The following MAX variants were observed in gnomAD, a reference collection of about 807,000 sequenced individuals.
The protein encoded by MAX is MYC associated transcriptional regulator X.
Under a neutral mutation model 22.3 loss-of-function variants are expected in MAX, and 3 were observed. The observed-to-expected ratio is 0.13, with a 90% CI of 0.06 to 0.35. The LOEUF is 0.35. Among genes scored for constraint, MAX ranks in the 10% least tolerant of loss-of-function variants. The pLI, the probability that MAX is intolerant of heterozygous loss-of-function variation, is 1.00. For synonymous variants in MAX, 72 were observed against 77.7 expected (o/e 0.93, Z 0.39); for missense variants, 119 against 209.4 (o/e 0.57, Z 2.66).
chr14:65,077,483 C>CA lies in MAX; in HGVS notation c.295+429dup. The CA allele has an allele frequency of 8.3e-7, 1 of 1,201,828 alleles. No individual in the cohort carries two copies. The highest frequency in any genetic ancestry group is 1.2e-5 in the South Asian group (1 of 82,930). The allele number at this position is 1,201,828 out of a possible 1,614,324, so 74.4% of individuals were successfully genotyped here. On this transcript the variant is annotated intron_variant, in intron 4 of 4. Coordinates refer to ENST00000358664, the MANE Select transcript of MAX (RefSeq NM_002382.5). The surrounding 1 kb of genome is among the most constrained non-coding windows in gnomAD (Gnocchi z 6.3). ...CATTGAGAACAGCATGGGCCTAGCC[C>CA]ATAGGCTGCCCTGATTGGACTACCA...
Position 65,044,077 on chromosome 14 carries a change from G to T in MAX, c.172-37793C>A, listed in dbSNP as rs887780052. On this transcript the variant is annotated intron_variant, in intron 3 of 3. Coordinates refer to the MAX transcript ENST00000341653. This position sits in a 1 kb window ranked among gnomAD's most constrained non-coding sequence, Gnocchi z 5.5. ...CCAGGAAAAGGTAGTTGTCTGCCAG[G>T]CATTGAGCAGAGATCAGTGCTGGAT... Among the ~76,000 whole-genome samples the T allele has an allele frequency of 2.6e-5, 4 of 152,270 alleles. No homozygotes were observed. The highest frequency in any genetic ancestry group is 7.2e-5 in the African/African-American group (3 of 41,546).
chr14:65,059,497 C>A (rs189966483), intron 3 of MAX, among the ~76,000 whole-genome samples: 26 of 152,174 alleles, frequency 1.7e-4, no homozygotes, highest in Admixed American at 1.0e-3. Flanking sequence ...TCATGTAGGC[C>A]TTTAAAAATT....
Position 65,052,352 on chromosome 14 carries a change from T to G in MAX, c.171+41356A>C, listed in dbSNP as rs576088153. Among the ~76,000 whole-genome samples, 9 of 152,344 alleles carry G rather than the reference T, an allele frequency of 5.9e-5. No homozygotes were observed. In the East Asian group the frequency reaches 1.7e-3, roughly 29 times the overall value. On this transcript the variant is annotated intron_variant, in intron 3 of 3. Transcript: ENST00000341653. The stretch of plus-strand genomic sequence containing the variant: ...GAAGAAAGAACAATTAGCTTTCAGG[T>G]GCCATTTACCAATTGTTGGGCATCT...
At chr14:65,085,345 G>A (rs2063304099) in intron 3 of MAX, among the ~76,000 whole-genome samples, 1 of 152,178 alleles carries the variant, frequency 6.6e-6, no homozygotes, top group Admixed American at 6.5e-5. Flanking sequence ...AGAGGAAGGA[G>A]GGATTCATGT....
rs1392241119 is a variant in MAX, at chr14:65,093,507, T to A, written c.171+201A>T. 4 of 600,854 alleles carry A rather than the reference T, an allele frequency of 6.7e-6. No homozygotes were observed. Among genetic ancestry groups the A allele is most frequent in the African/African-American group, 5.6e-5 (3 of 54,020 alleles). The allele number at this position is 600,854 out of a possible 1,614,324, so 37.2% of individuals were successfully genotyped here. ...TACCATTATCTCACAAATAGCTCCA[T>A]TATATCTGACATATTTTGTTAAGGA... On this transcript the variant is annotated intron_variant, in intron 3 of 4. Coordinates refer to ENST00000358664, the MANE Select transcript of MAX (RefSeq NM_002382.5). The surrounding 1 kb of genome is among the most constrained non-coding windows in gnomAD (Gnocchi z 4.4).
Position 65,076,751 on chromosome 14 carries a change from C to A in MAX, c.296-88G>T. Reference sequence around the variant, plus strand: ...AGACTCAGGGTCCAGCCTGTTCTTCCTAAGGGCTTGCTTGTTGGCCCCCGA... The same window carrying A: ...AGACTCAGGGTCCAGCCTGTTCTTCATAAGGGCTTGCTTGTTGGCCCCCGA... On this transcript the variant is annotated intron_variant, in intron 4 of 4. Transcript: ENST00000358664. This position sits in a 1 kb window ranked among gnomAD's most constrained non-coding sequence, Gnocchi z 6.6. The A allele has an allele frequency of 1.3e-6, 2 of 1,534,504 alleles. No homozygotes were observed. Among genetic ancestry groups the A allele is most frequent in the South Asian group, 1.1e-5 (1 of 88,966 alleles).
intron 3 of MAX, among the ~76,000 whole-genome samples, chr14:65,038,601 C>A (rs908892315): frequency 6.6e-6 from 1 of 151,716 alleles, no homozygotes; most frequent in African/African-American, 2.4e-5. Flanking sequence ...ACCTGTAATC[C>A]CACGTACTCA....
intron 3 of MAX, among the ~76,000 whole-genome samples, chr14:65,013,859 T>C (rs894013490): frequency 1.3e-5 from 2 of 152,214 alleles, no homozygotes; most frequent in African/African-American, 2.4e-5. Context: ...CATTCTCTTA[T>C]TTAAATCTTG....
At position 65,093,343 on chromosome 14, in the gene MAX, A is replaced by G. The variant is rs960621082; in HGVS notation, c.171+365T>C. On this transcript the variant is annotated intron_variant, in intron 3 of 4. Coordinates refer to ENST00000358664, the MANE Select transcript of MAX (RefSeq NM_002382.5). The surrounding 1 kb of genome is among the most constrained non-coding windows in gnomAD (Gnocchi z 4.4). ...TTTGAACCATAGGAAAGGAATTCTC[A>G]TGGAGGTCTAGGGTATTAATGACCT... Among the ~76,000 whole-genome samples, 4 of 152,180 alleles carry G rather than the reference A, an allele frequency of 2.6e-5. No individual in the cohort carries two copies. Among genetic ancestry groups the G allele is most frequent in the African/African-American group, 9.7e-5 (4 of 41,444 alleles).
In MAX at chr14:65,009,355, A is replaced by C. The variant is rs867853593; in HGVS notation, c.172-3071T>G. On this transcript the variant is annotated intron_variant, in intron 3 of 3. Transcript: ENST00000341653. The surrounding 1 kb of genome is among the most constrained non-coding windows in gnomAD (Gnocchi z 4.2). ...TTCTTAATTTCACTGGCGCTTCACTAACTGCCTTATAATCCTTTTATTCGT... is the reference window on the plus strand; with the variant it reads ...TTCTTAATTTCACTGGCGCTTCACTCACTGCCTTATAATCCTTTTATTCGT... 9.2e-3 allele frequency among the ~76,000 whole-genome samples: 1,395 copies of C among 152,162 alleles called. 22 individuals carry two copies. Among genetic ancestry groups the C allele is most frequent in the African/African-American group, 0.031 (1,293 of 41,490 alleles).
upstream of MAX, chr14:65,102,559 C>T (rs907301329): frequency 2.2e-4 from 313 of 1,444,346 alleles, 2 homozygotes; most frequent in Middle Eastern, 3.8e-3. Flanking sequence ...CGGTCGGCCC[C>T]CGCCACGTGA....
At chr14:65,018,109 C>T (rs140834785) in intron 3 of MAX, among the ~76,000 whole-genome samples, 276 of 152,130 alleles carry the variant, frequency 1.8e-3, no homozygotes, top group African/African-American at 6.2e-3. Flanking sequence ...TGGGAGGCCA[C>T]GGTCAGAGGA....
At chr14:65,039,642 T>C (rs1328447279) in intron 3 of MAX, among the ~76,000 whole-genome samples, 7 of 152,122 alleles carry the variant, frequency 4.6e-5, no homozygotes, top group African/African-American at 1.2e-4. Context: ...CTAAGTCAGT[T>C]ATTTCTTGTC....
In MAX at chr14:65,082,051, C is replaced by T. The variant is rs2063212359; in HGVS notation, c.172-4015G>A. The T allele has an allele frequency of 6.6e-6, 1 of 152,294 alleles. No individual in the cohort carries two copies. The highest frequency in any genetic ancestry group is 1.9e-4 in the East Asian group (1 of 5,186). 9.4% of individuals were successfully genotyped at this position (152,294 alleles called of 1,614,324 possible). A position where few individuals can be genotyped will look rare whatever the true frequency, so the allele number is the denominator to read the frequency against. ...TACTGAGTACTTACTAAGTGTCAGG[C>T]ATCCTCACACAACCTTCTGATGTTT... On this transcript the variant is annotated intron_variant, in intron 3 of 4. Coordinates refer to ENST00000358664, the MANE Select transcript of MAX (RefSeq NM_002382.5). This position sits in a 1 kb window ranked among gnomAD's most constrained non-coding sequence, Gnocchi z 4.8.
rs754493594 is a variant in MAX, at chr14:65,028,651, A to C, written c.172-22367T>G. Among the ~76,000 whole-genome samples, 13 of 152,228 alleles carry C rather than the reference A, an allele frequency of 8.5e-5. No homozygotes were observed. The highest frequency in any genetic ancestry group is 1.9e-4 in the Non-Finnish European group (13 of 68,034). ...ATAAAATACATTACAGATAATAGGT[A>C]ATCAGGCTGCAAAGGCCTTTAGTTC... is the stretch of plus-strand genomic sequence containing the variant. On this transcript the variant is annotated intron_variant, in intron 3 of 3. Transcript: ENST00000341653. The surrounding 1 kb of genome is among the most constrained non-coding windows in gnomAD (Gnocchi z 4.4).
chr14:65,073,031 C>T (rs1028030188), downstream of MAX, among the ~76,000 whole-genome samples: 3 of 152,208 alleles, frequency 2.0e-5, no homozygotes, highest in African/African-American at 7.2e-5. Context: ...GCCCTGGTTA[C>T]ATGCTTTGTG....
rs1197948978 is a variant in MAX, at chr14:65,059,878, G to C, written c.171+33830C>G. Among the ~76,000 whole-genome samples the C allele has an allele frequency of 2.1e-5, 3 of 143,144 alleles. No homozygotes were observed. In the East Asian group the frequency reaches 6.1e-4, roughly 29 times the overall value. 93.9% of individuals were successfully genotyped at this position (143,144 alleles called of 152,430 possible). A position where few individuals can be genotyped will look rare whatever the true frequency, so the allele number is the denominator to read the frequency against. On this transcript the variant is annotated intron_variant, in intron 3 of 3. Transcript: ENST00000341653. The stretch of plus-strand genomic sequence containing the variant: ...TGAGACAGAGTCTCGCTGTTGCCCA[G>C]GTTAGAGTGCAGTGGCACAATCTTG...
upstream of MAX, chr14:65,102,538 G>T (rs1436478219): frequency 2.1e-6 from 3 of 1,448,258 alleles, no homozygotes; most frequent in African/African-American, 4.2e-5. Context: ...ATCAACGGCG[G>T]CACGCACGCC....
intron 3 of MAX, among the ~76,000 whole-genome samples, chr14:65,036,739 G>GT (rs2062202126): frequency 6.6e-6 from 1 of 152,044 alleles, no homozygotes; most frequent in East Asian, 1.9e-4. Context: ...TGTCACCCAG[G>GT]TTGGAGTGCA....
Sources: allele counts gnomAD v4.1 joint callset (sites outside exome capture counted in the v4.1 genomes callset), GRCh38; gene constraint gnomAD v4.1.1; non-coding constraint Gnocchi (gnomAD v3.1); transcripts MANE v1.5; gene names NCBI Gene and HGNC (gene_info 2026-07-23, HGNC 2026-07-21).